Variants in RNF144A observed in about 807,000 individuals in gnomAD.
RNF144A encodes ring finger protein 144A.
A neutral mutation model predicts 38.7 loss-of-function variants in RNF144A; 11 were observed. The ratio of observed to expected loss-of-function variants is 0.28; its 90% CI spans 0.18 to 0.47. The LOEUF is 0.47. RNF144A is among the 20% of genes least tolerant of loss of function. RNF144A has a pLI of 0.99. For synonymous variants in RNF144A, 149 were observed against 143.9 expected (o/e 1.04, Z -0.25); for missense variants, 316 against 377.2 (o/e 0.84, Z 1.34).
chr2:6,997,792 A>G (rs1669854582), intron 3 of RNF144A, among the ~76,000 whole-genome samples: 1 of 152,218 alleles, frequency 6.6e-6, no homozygotes, highest in Non-Finnish European at 1.5e-5. Flanking sequence ...CGGGGTCTGC[A>G]GGGAATGGGG....
chr2:7,005,521 C>T (rs956189045), intron 3 of RNF144A, among the ~76,000 whole-genome samples: 1 of 152,094 alleles, frequency 6.6e-6, no homozygotes, highest in African/African-American at 2.4e-5. Context: ...TTGCAAAGAG[C>T]GAAGCTTCCA....
At chr2:6,972,343 C>A (rs1375153039) in intron 2 of RNF144A, among the ~76,000 whole-genome samples, 2 of 152,218 alleles carry the variant, frequency 1.3e-5, no homozygotes, top group Non-Finnish European at 2.9e-5. Flanking sequence ...TTCCTCCTAG[C>A]TACAAAAGGG....
At chr2:7,036,661 C>T (rs1323760858) in intron 8 of RNF144A, among the ~76,000 whole-genome samples, 1 of 152,222 alleles carries the variant, frequency 6.6e-6, no homozygotes, top group Admixed American at 6.5e-5. Flanking sequence ...GAAAATTAGA[C>T]TGGATTATAA....
At chr2:6,991,122 G>T (rs761929965) in intron 2 of RNF144A, among the ~76,000 whole-genome samples, 1 of 152,118 alleles carries the variant, frequency 6.6e-6, no homozygotes, top group African/African-American at 2.4e-5. Flanking sequence ...TGGCAGTTAC[G>T]GCTGAGCTGC....
intron 6 of RNF144A, among the ~76,000 whole-genome samples, chr2:7,056,893 C>T (rs911182506): frequency 6.6e-6 from 1 of 152,220 alleles, no homozygotes; most frequent in African/African-American, 2.4e-5. Flanking sequence ...ACCAAAAACT[C>T]CCCGGCAGTC....
At chr2:6,965,155 C>G (rs1667581734) in intron 2 of RNF144A, among the ~76,000 whole-genome samples, 1 of 152,140 alleles carries the variant, frequency 6.6e-6, no homozygotes, top group South Asian at 2.1e-4. Context: ...TCCACCATAG[C>G]TGGCAGGCCT....
downstream of RNF144A, chr2:7,044,281 A>G: frequency 1.3e-6 from 1 of 787,934 alleles, no homozygotes; most frequent in Non-Finnish European, 1.5e-6. Flanking sequence ...TTGAAGATTG[A>G]AAATATTCAA....
chr2:7,056,878 T>G (rs1451065599), intron 6 of RNF144A, among the ~76,000 whole-genome samples: 1 of 152,188 alleles, frequency 6.6e-6, no homozygotes, highest in Non-Finnish European at 1.5e-5. Flanking sequence ...ATATTAAATA[T>G]GTGCACCAAA....
intron 1 of RNF144A, among the ~76,000 whole-genome samples, chr2:6,924,906 C>A (rs1238069077): frequency 1.3e-5 from 2 of 152,244 alleles, no homozygotes; most frequent in Admixed American, 1.3e-4. Flanking sequence ...ATAACACAGG[C>A]TGTGTGCTCC....
chr2:6,977,956 G>C (rs1668410910), intron 2 of RNF144A, among the ~76,000 whole-genome samples: 1 of 152,162 alleles, frequency 6.6e-6, no homozygotes. Context: ...CATCACCCTG[G>C]AGTCACTGGA....
At chr2:7,016,839 C>T (rs942048786) in intron 5 of RNF144A, among the ~76,000 whole-genome samples, 1 of 152,038 alleles carries the variant, frequency 6.6e-6, no homozygotes, top group African/African-American at 2.4e-5. Flanking sequence ...TTTCTGAAAA[C>T]ATTGAGTTAC....
intron 1 of RNF144A, among the ~76,000 whole-genome samples, chr2:6,930,835 T>A (rs1665162082): frequency 6.6e-6 from 1 of 151,996 alleles, no homozygotes; most frequent in African/African-American, 2.4e-5. Context: ...CTCAAGCAAT[T>A]CTCTCACCTC....
intron 3 of RNF144A, among the ~76,000 whole-genome samples, chr2:7,013,307 T>C (rs1360182371): frequency 6.6e-6 from 1 of 152,200 alleles, no homozygotes; most frequent in Non-Finnish European, 1.5e-5. Flanking sequence ...GTTCTAAACA[T>C]GGAGGTAGAA....
intron 6 of RNF144A, among the ~76,000 whole-genome samples, chr2:7,062,423 C>A (rs1473176725): frequency 6.7e-6 from 1 of 149,408 alleles, no homozygotes; most frequent in African/African-American, 2.5e-5. Flanking sequence ...CTGCAAAGAC[C>A]CATTGCAAAG....
At chr2:7,054,894 C>T (rs913690337) in intron 6 of RNF144A, among the ~76,000 whole-genome samples, 2 of 152,230 alleles carry the variant, frequency 1.3e-5, no homozygotes, top group Non-Finnish European at 2.9e-5. Context: ...AAGTGACACA[C>T]ATTGGTTTCT....
At chr2:7,044,897 A>AT (rs1673238571), downstream of RNF144A, among the ~76,000 whole-genome samples, 1 of 152,232 alleles carries the variant, frequency 6.6e-6, no homozygotes, top group Non-Finnish European at 1.5e-5. Context: ...AAGACTCAAT[A>AT]TATCTGCCCT....
chr2:6,994,047 T>C (rs1669563523), intron 2 of RNF144A, among the ~76,000 whole-genome samples: 1 of 152,210 alleles, frequency 6.6e-6, no homozygotes, highest in Non-Finnish European at 1.5e-5. Flanking sequence ...TTATGTGATA[T>C]CTTCAACATC....
chr2:6,947,641 T>C (rs948591298), intron 2 of RNF144A, among the ~76,000 whole-genome samples: 2 of 152,220 alleles, frequency 1.3e-5, no homozygotes, highest in Admixed American at 1.3e-4. Flanking sequence ...TGTAGTTCTA[T>C]TGAATTTTTT....
intron 8 of RNF144A, among the ~76,000 whole-genome samples, chr2:7,030,504 G>A (rs904120616): frequency 3.9e-5 from 6 of 152,028 alleles, no homozygotes; most frequent in African/African-American, 1.5e-4. Flanking sequence ...TCACTTGCAC[G>A]GGACTCATGG....
Sources: gnomAD v4.1 joint callset for allele counts (sites outside exome capture counted in the v4.1 genomes callset) on GRCh38, gnomAD v4.1.1 for gene constraint, MANE v1.5 for transcripts, NCBI Gene and HGNC (gene_info 2026-07-23, HGNC 2026-07-21) for gene names.